Variants in RRAS2 observed in about 807,000 individuals in gnomAD.
RRAS2 encodes RAS related 2.
RRAS2 carries 7 observed loss-of-function variants against 27.6 expected under a neutral mutation model. That is an observed-to-expected ratio of 0.25 (90% CI 0.14 to 0.48). The LOEUF is 0.48. Among genes scored for constraint, RRAS2 ranks in the 20% least tolerant of loss-of-function variants. RRAS2 has a pLI of 0.99. For missense variants in RRAS2, 178 were observed against 256.2 expected (o/e 0.69, Z 2.08); for synonymous variants, 86 against 90.9 (o/e 0.95, Z 0.31).
intron 1 of RRAS2, among the ~76,000 whole-genome samples, chr11:14,306,201 T>C (rs1379084797): frequency 6.6e-6 from 1 of 152,224 alleles, no homozygotes; most frequent in East Asian, 1.9e-4. Context: ...GTATATCTTC[T>C]TTGCAGAAAT....
At position 14,278,127 on chromosome 11, in the gene RRAS2, T is replaced by G. The variant is rs1293722122; in HGVS notation, c.*1210A>C. On this transcript the variant is annotated 3_prime_UTR_variant, in exon 6 of 6. Transcript: ENST00000256196. ...AATCAGATGCCATCCACAGTTATAC[T>G]AATTATCCATTAAAAGCTTACACTT... 1 of 152,242 alleles carries G rather than the reference T, an allele frequency of 6.6e-6. No individual in the cohort carries two copies. The highest frequency in any genetic ancestry group is 2.4e-5 in the African/African-American group (1 of 41,472). The allele number at this position is 152,242 out of a possible 1,614,324, so 9.4% of individuals were successfully genotyped here. A position where few individuals can be genotyped will look rare whatever the true frequency, so the allele number is the denominator to read the frequency against.
At chr11:14,363,942 T>C (rs1591498044), upstream of RRAS2, among the ~76,000 whole-genome samples, 3 of 152,018 alleles carry the variant, frequency 2.0e-5, no homozygotes, top group East Asian at 3.9e-4. Flanking sequence ...TGGTGGCACA[T>C]GCCTGTAATC....
intron 1 of RRAS2, among the ~76,000 whole-genome samples, chr11:14,331,673 TAAA>T (rs80130992): frequency 3.2e-3 from 262 of 81,570 alleles, no homozygotes; most frequent in African/African-American, 0.012. Flanking sequence ...CCCCAACTCT[TAAA>T]AAAAAAAAAA....
chr11:14,324,622 G>GT (rs1267880931), intron 1 of RRAS2, among the ~76,000 whole-genome samples: 5 of 152,120 alleles, frequency 3.3e-5, no homozygotes, highest in African/African-American at 7.2e-5. Flanking sequence ...GTTTATAAGT[G>GT]TAAGAGTCAT....
At chr11:14,295,892 G>A in intron 1 of RRAS2, 37 bp from the exon 2 acceptor site, 1 of 1,583,016 alleles carries the variant, frequency 6.3e-7, no homozygotes, top group Non-Finnish European at 8.6e-7. Context: ...TAAAATTCAT[G>A]GCCAGGCATG....
rs1554943963 is a variant in RRAS2 at position 14,279,372 on chromosome 11, T to C, written c.580A>G (p.Lys194Glu). ...PPSPEPTRKE[K>E]DKKGCHCVIF ...ACACAATGGCAGCCTTTCTTGTCTT[T>C]TTCTTTCCGTGTTGGTTCTGGTGAA... The change falls in exon 6 of 6, where the codon AAA becomes GAA. Residue 194 changes from lysine to glutamate, a missense_variant. Transcript: ENST00000256196. 1.2e-6 allele frequency: 2 copies of C among 1,613,342 alleles called. No homozygotes were observed. Among genetic ancestry groups the C allele is most frequent in the African/African-American group, 1.3e-5 (1 of 75,044 alleles).
rs574307108 is a variant in RRAS2, at chr11:14,282,762, G to C, written c.409-1042C>G. Among the ~76,000 whole-genome samples the C allele has an allele frequency of 1.2e-4, 19 of 152,088 alleles. No individual in the cohort carries two copies. In the South Asian group the frequency reaches 4.0e-3, roughly 32 times the overall value. ...ATAGTTTTTAACACTATAAAAATAG[G>C]ATCATAATTTTTGTATATCTCATAC... On this transcript the variant is annotated intron_variant, in intron 4 of 5. Transcript: ENST00000256196.
At chr11:14,287,768 A>T (rs1554945262) in intron 4 of RRAS2, among the ~76,000 whole-genome samples, 1 of 150,142 alleles carries the variant, frequency 6.7e-6, no homozygotes, top group African/African-American at 2.5e-5. Flanking sequence ...GCTACTCGGG[A>T]GGCTGAGGCA....
At chr11:14,285,268 G>C (rs1849631080) in intron 4 of RRAS2, among the ~76,000 whole-genome samples, 1 of 152,126 alleles carries the variant, frequency 6.6e-6, no homozygotes, top group Non-Finnish European at 1.5e-5. Flanking sequence ...TTACAACAGA[G>C]CCAGGTGCAG....
At chr11:14,283,422 A>T (rs1351279681) in intron 4 of RRAS2, among the ~76,000 whole-genome samples, 1 of 152,200 alleles carries the variant, frequency 6.6e-6, no homozygotes, top group Non-Finnish European at 1.5e-5. Flanking sequence ...CTGGCTTCAC[A>T]TAAGTTGCAA....
chr11:14,300,553 C>G (rs1847670983), intron 1 of RRAS2, among the ~76,000 whole-genome samples: 1 of 152,092 alleles, frequency 6.6e-6, no homozygotes. Flanking sequence ...GCACTCCAGC[C>G]TGAGCAACAA....
chr11:14,338,594 T>C (rs1485681373), intron 1 of RRAS2, among the ~76,000 whole-genome samples: 1 of 152,206 alleles, frequency 6.6e-6, no homozygotes, highest in Non-Finnish European at 1.5e-5. Context: ...TGTGGCATCA[T>C]ATCATGACTC....
At chr11:14,302,064 CCACA>C (rs1391326999) in intron 1 of RRAS2, among the ~76,000 whole-genome samples, 1 of 51,820 alleles carries the variant, frequency 1.9e-5, no homozygotes, top group Non-Finnish European at 4.0e-5. Context: ...AGTAAATGTA[CCACA>C]CACATACACA....
intron 1 of RRAS2, among the ~76,000 whole-genome samples, chr11:14,310,421 C>T (rs2915406): frequency 0.85 from 129,008 of 152,098 alleles, 55,073 homozygotes; most frequent in South Asian, 0.9. Context: ...GTTGGGAGGT[C>T]AGGAAAATGA....
intron 1 of RRAS2, among the ~76,000 whole-genome samples, chr11:14,341,417 A>G (rs975860050): frequency 6.6e-6 from 1 of 152,204 alleles, no homozygotes; most frequent in Non-Finnish European, 1.5e-5. Context: ...GTAACTACCA[A>G]GACAAAAATT....
chr11:14,359,436 A>G (rs782659085), upstream of RRAS2, among the ~76,000 whole-genome samples: 1 of 152,228 alleles, frequency 6.6e-6, no homozygotes, highest in African/African-American at 2.4e-5. Context: ...GAAAAATACA[A>G]TATGTGACGG....
At chr11:14,281,561 G>A (rs186912807) in intron 5 of RRAS2, 41 bp downstream of exon 5, 1 of 1,446,754 alleles carries the variant, frequency 6.9e-7, no homozygotes, top group Non-Finnish European at 9.4e-7. Flanking sequence ...ACATTTAATA[G>A]TAATTTATTA....
intron 1 of RRAS2, among the ~76,000 whole-genome samples, chr11:14,348,747 T>C (rs1169293868): frequency 3.9e-5 from 6 of 152,200 alleles, no homozygotes; most frequent in African/African-American, 9.7e-5. Context: ...TTGTATTTTT[T>C]CCTTCCCCTA....
At chr11:14,306,154 G>C (rs782103297) in intron 1 of RRAS2, among the ~76,000 whole-genome samples, 1 of 152,070 alleles carries the variant, frequency 6.6e-6, no homozygotes, top group Non-Finnish European at 1.5e-5. Context: ...TCCCTAGTGG[G>C]ATGTTGAGTA....
Sources: allele counts gnomAD v4.1 joint callset (sites outside exome capture counted in the v4.1 genomes callset), GRCh38; gene constraint gnomAD v4.1.1; transcripts MANE v1.5; gene names NCBI Gene and HGNC (gene_info 2026-07-23, HGNC 2026-07-21).